SUCLG2: variants seen among roughly 807,000 people sequenced by gnomAD.
The protein encoded by SUCLG2 is succinate--CoA ligase [GDP-forming] subunit beta, mitochondrial.
In SUCLG2, 42 loss-of-function variants were observed where a neutral mutation model predicts 47.9. The observed-to-expected ratio is 0.88, with a 90% CI of 0.69 to 1.14. SUCLG2 has a LOEUF of 1.14. SUCLG2 is among the 50% of genes most tolerant of loss of function. The pLI is 0.00. For synonymous variants in SUCLG2, 195 were observed against 197.3 expected (o/e 0.99, Z 0.10); for missense variants, 571 against 525.9 (o/e 1.09, Z -0.84).
intron 2 of SUCLG2, among the ~76,000 whole-genome samples, chr3:67,550,237 C>T (rs982659655): frequency 6.6e-6 from 1 of 152,252 alleles, no homozygotes; most frequent in Admixed American, 6.5e-5. Context: ...GTCATTGACT[C>T]CTTTCGTGAA....
chr3:67,528,925 T>C (rs550522852), intron 3 of SUCLG2, among the ~76,000 whole-genome samples, 162 bp downstream of exon 3: 1 of 152,284 alleles, frequency 6.6e-6, no homozygotes, highest in South Asian at 2.1e-4. Context: ...GAAGGAAAAC[T>C]AGGGCACTGC....
At chr3:67,397,030 A>AT in intron 10 of SUCLG2, among the ~76,000 whole-genome samples, 1 of 151,448 alleles carries the variant, frequency 6.6e-6, no homozygotes, top group African/African-American at 2.4e-5. Context: ...TCTCAAAATA[A>AT]TAAGAGCTAT....
intron 9 of SUCLG2, among the ~76,000 whole-genome samples, chr3:67,403,397 C>G (rs57612033): frequency 1.3e-5 from 2 of 152,172 alleles, no homozygotes; most frequent in East Asian, 3.9e-4. Flanking sequence ...CATGATATGG[C>G]ATAATCACGT....
intron 2 of SUCLG2, among the ~76,000 whole-genome samples, chr3:67,556,598 C>T (rs984753779): frequency 1.3e-5 from 2 of 152,060 alleles, no homozygotes; most frequent in Admixed American, 6.6e-5. Flanking sequence ...GGTCAAGCCA[C>T]AAAACATCCT....
intron 1 of SUCLG2, among the ~76,000 whole-genome samples, chr3:67,610,202 AAC>A (rs1012123360): frequency 6.6e-6 from 1 of 152,186 alleles, no homozygotes; most frequent in Admixed American, 6.5e-5. Flanking sequence ...CACAGTTTTT[AAC>A]AGAGTCTGGG....
rs115075876 is a variant in SUCLG2 at position 67,413,623 on chromosome 3, G to A, written c.1063-12772C>T. On this transcript the variant is annotated intron_variant, in intron 9 of 10. Transcript: ENST00000307227. ...CAGTCAACCAAAAAATATACCCAAA[G>A]GGAATACGTATAGGATGGCTTAACA... Among the ~76,000 whole-genome samples the A allele has an allele frequency of 1.8e-3, 271 of 152,240 alleles. 1 individual carries two copies. The highest frequency in any genetic ancestry group is 6.4e-3 in the African/African-American group (264 of 41,548).
intron 9 of SUCLG2, among the ~76,000 whole-genome samples, chr3:67,433,383 G>C (rs1036700881): frequency 2.0e-5 from 3 of 152,034 alleles, no homozygotes; most frequent in African/African-American, 7.2e-5. Context: ...GCTTGCAATT[G>C]GCTGAAAGGA....
intron 10 of SUCLG2, among the ~76,000 whole-genome samples, chr3:67,390,485 C>G (rs1702356461): frequency 6.6e-6 from 1 of 152,100 alleles, no homozygotes; most frequent in Non-Finnish European, 1.5e-5. Context: ...TTTATAATTA[C>G]ATGTATTTAC....
At chr3:67,453,866 T>G (rs1270028901) in intron 9 of SUCLG2, among the ~76,000 whole-genome samples, 1 of 152,174 alleles carries the variant, frequency 6.6e-6, no homozygotes, top group East Asian at 1.9e-4. Context: ...ATTCTAGCTG[T>G]GTATGCCAGA....
chr3:67,523,467 C>T (rs1206082135), intron 4 of SUCLG2, among the ~76,000 whole-genome samples: 4 of 152,154 alleles, frequency 2.6e-5, no homozygotes, highest in African/African-American at 7.2e-5. Context: ...GTGCCTAATT[C>T]TCCCAGTCTT....
At chr3:67,429,712 G>A (rs939610875) in intron 9 of SUCLG2, among the ~76,000 whole-genome samples, 2 of 152,112 alleles carry the variant, frequency 1.3e-5, no homozygotes, top group Admixed American at 1.3e-4. Flanking sequence ...TCCATCTCAC[G>A]TGCAGGGACA....
chr3:67,502,866 T>C (rs913365870), intron 7 of SUCLG2, among the ~76,000 whole-genome samples: 3 of 152,160 alleles, frequency 2.0e-5, no homozygotes, highest in African/African-American at 7.2e-5. Flanking sequence ...TTAGGCATCA[T>C]AAATAGTAGA....
rs138180965 is a variant in SUCLG2 at position 67,539,266 on chromosome 3, G to A, written c.227-10080C>T. Among the ~76,000 whole-genome samples the A allele has an allele frequency of 4.5e-3, 691 of 152,226 alleles. 9 individuals are homozygous for A. In the East Asian group the frequency reaches 0.055, roughly 12 times the overall value. On this transcript the variant is annotated intron_variant, in intron 2 of 10. Transcript: ENST00000307227. ...CTAGTTTATTGAGAGTTTTTAGCAC[G>A]AACCGGTGTTGATTTTTATCAAAGG...
intron 9 of SUCLG2, among the ~76,000 whole-genome samples, chr3:67,486,715 T>C (rs1449381860): frequency 4.6e-5 from 7 of 152,152 alleles, no homozygotes; most frequent in Admixed American, 2.6e-4. Flanking sequence ...AATACTATGC[T>C]TGGGGGCCAA....
chr3:67,396,015 C>T (rs1468202797), intron 10 of SUCLG2, among the ~76,000 whole-genome samples: 7 of 151,886 alleles, frequency 4.6e-5, no homozygotes, highest in Non-Finnish European at 8.8e-5. Flanking sequence ...GGGACACATT[C>T]AAAGCAGTGT....
intron 9 of SUCLG2, among the ~76,000 whole-genome samples, chr3:67,429,529 A>G (rs1165815735): frequency 2.0e-5 from 3 of 152,246 alleles, no homozygotes; most frequent in Non-Finnish European, 2.9e-5. Flanking sequence ...TGCTAGGAAG[A>G]AACTGCATCA....
At position 67,500,417 on chromosome 3, in the gene SUCLG2, A is replaced by C. The variant is rs80327144; in HGVS notation, c.758-2122T>G. Among the ~76,000 whole-genome samples the C allele has an allele frequency of 7.2e-5, 11 of 152,346 alleles. No homozygotes were observed. In the East Asian group the frequency reaches 1.9e-3, roughly 27 times the overall value. ...AAAGTAGCACTGAGCGACAAGAGAG[A>C]ATCTTATATGGAAGTTAATGTCTGC... On this transcript the variant is annotated intron_variant, in intron 7 of 10. Coordinates refer to ENST00000307227, the MANE Select transcript of SUCLG2 (RefSeq NM_003848.4).
At chr3:67,571,854 G>A (rs1175429016) in intron 2 of SUCLG2, among the ~76,000 whole-genome samples, 1 of 152,174 alleles carries the variant, frequency 6.6e-6, no homozygotes, top group African/African-American at 2.4e-5. Flanking sequence ...TGCAAAATTT[G>A]TCTTCTCTTA....
intron 2 of SUCLG2, among the ~76,000 whole-genome samples, chr3:67,608,259 C>G (rs1467439332): frequency 3.3e-5 from 5 of 152,178 alleles, no homozygotes; most frequent in Non-Finnish European, 7.3e-5. Context: ...CCTGCAAAGG[C>G]TTCTCAAGCC....
Sources: allele counts gnomAD v4.1 joint callset (sites outside exome capture counted in the v4.1 genomes callset), GRCh38; gene constraint gnomAD v4.1.1; transcripts MANE v1.5; gene names NCBI Gene and HGNC (gene_info 2026-07-23, HGNC 2026-07-21).